PARP4: variants seen among roughly 807,000 people sequenced by gnomAD.
PARP4 encodes the protein poly(ADP-ribose) polymerase family member 4.
PARP4 carries 120 observed loss-of-function variants against 187.7 expected under a neutral mutation model. The ratio of observed to expected loss-of-function variants is 0.64; its 90% CI spans 0.55 to 0.74. PARP4 has a LOEUF of 0.74. Ranked by LOEUF, PARP4 falls within the 30% of genes least tolerant of loss-of-function variation. The pLI is 0.00. For missense variants in PARP4, 1,836 were observed against 2,070.5 expected, an observed-to-expected ratio of 0.89 and a Z score of 2.20; for synonymous variants, 654 against 740.9, an observed-to-expected ratio of 0.88 and a Z score of 1.90.
At chr13:24,480,171 C>G (rs1198130742) in intron 12 of PARP4, among the ~76,000 whole-genome samples, 1 of 152,218 alleles carries the variant, frequency 6.6e-6, no homozygotes, top group African/African-American at 2.4e-5. Flanking sequence ...CAAGAACCCA[C>G]CAATTCTGGA....
Position 24,455,015 on chromosome 13 carries a change from A to C in PARP4, c.2758+2T>G. The C allele has an allele frequency of 1.3e-6, 2 of 1,586,130 alleles. No homozygotes were observed. Among genetic ancestry groups the C allele is most frequent in the Middle Eastern group, 1.7e-4 (1 of 5,938 alleles). ...GCAGGACCAGGGCCAAAGCGCACTC[A>C]CCTGTGCCGAACTGGATAATATTTA... is the stretch of plus-strand genomic sequence containing the variant. On this transcript the variant is annotated splice_donor_variant, in intron 22 of 33. Transcript: ENST00000381989. LOFTEE classifies it high-confidence loss of function.
intron 12 of PARP4, among the ~76,000 whole-genome samples, chr13:24,483,511 T>C (rs1009538460): frequency 7.8e-6 from 1 of 128,374 alleles, no homozygotes; most frequent in South Asian, 2.6e-4. Flanking sequence ...AAAAAAAAAG[T>C]TTTTTTTAGA....
intron 29 of PARP4, among the ~76,000 whole-genome samples, 167 bp downstream of exon 29, chr13:24,442,423 C>T (rs1354632245): frequency 6.6e-6 from 1 of 152,302 alleles, no homozygotes; most frequent in Non-Finnish European, 1.5e-5. Flanking sequence ...ACCGAAGCCC[C>T]CCATGAATGG....
intron 1 of PARP4, among the ~76,000 whole-genome samples, chr13:24,504,304 G>GTTTTTT (rs1447515666): frequency 9.3e-6 from 1 of 107,880 alleles, no homozygotes; most frequent in African/African-American, 3.5e-5. Flanking sequence ...CTGCATTTAG[G>GTTTTTT]TTCTTTTTTT....
Position 24,434,744 on chromosome 13 carries a change from G to A in PARP4, c.4397C>T (p.Pro1466Leu), listed in dbSNP as rs1870523604. 6.2e-7 allele frequency: 1 copy of A among 1,613,728 alleles called. No homozygotes were observed. The highest frequency in any genetic ancestry group is 1.7e-5 in the Admixed American group (1 of 59,948). ...GTTGGCAGTCAAAGAGGCTGCGGAAGGTTGAAAATGAAAAGGAGAGGAAGC... is the reference window on the plus strand; with the variant it reads ...GTTGGCAGTCAAAGAGGCTGCGGAAAGTTGAAAATGAAAAGGAGAGGAAGC... ...PSASSPFHFQPSAASLTANLR... is the reference protein window; with the variant it reads ...PSASSPFHFQLSAASLTANLR... Residue 1466 changes from proline to leucine, a missense_variant, in exon 31 of 34, where the codon CCT (proline) becomes CTT (leucine). Pro to Leu is a moderately conservative substitution (Grantham distance 98). This residue lies in a region of PARP4 where 450 missense variants were observed against 439.2 expected (regional missense o/e 1.02). Transcript: ENST00000381989.
At chr13:24,448,837 A>G (rs1460314169) in intron 25 of PARP4, among the ~76,000 whole-genome samples, 1 of 152,252 alleles carries the variant, frequency 6.6e-6, no homozygotes, top group Non-Finnish European at 1.5e-5. Flanking sequence ...GGACATTAAA[A>G]ACATCATGCT....
intron 11 of PARP4, 91 bp downstream of exon 11, chr13:24,486,077 C>A: frequency 6.1e-6 from 7 of 1,145,172 alleles, no homozygotes; most frequent in Non-Finnish European, 8.8e-6. Flanking sequence ...AAAAGACTCA[C>A]GTAATATAGA....
chr13:24,456,463 C>T lies in PARP4; in HGVS notation c.2440G>A (p.Ala814Thr). Residue 814 changes from alanine (A) to threonine (T), a missense_variant, in exon 21 of 34, where the codon GCT becomes ACT. Physicochemically the swap from Ala to Thr is moderately conservative, Grantham distance 58. This residue lies in a region of PARP4 where 1,147 missense variants were observed against 1,214.2 expected (regional missense o/e 0.94). Transcript: ENST00000381989. ...ELKQKRTDCKAVISTMEGSSL... is the reference protein window; with the variant it reads ...ELKQKRTDCKTVISTMEGSSL... Reference sequence around the variant, plus strand: ...CTGCCTTCCATGGTGCTAATGACAGCTTTGCAGTCTGTGCGCTGCAAAACA... The same window carrying T: ...CTGCCTTCCATGGTGCTAATGACAGTTTTGCAGTCTGTGCGCTGCAAAACA... 1 of 1,601,276 alleles carries T rather than the reference C, an allele frequency of 6.2e-7. No individual in the cohort carries two copies. The highest frequency in any genetic ancestry group is 1.7e-5 in the Admixed American group (1 of 59,824).
chr13:24,457,256 G>C (rs575388099), intron 20 of PARP4, among the ~76,000 whole-genome samples: 2 of 152,292 alleles, frequency 1.3e-5, no homozygotes, highest in East Asian at 3.9e-4. Context: ...GCATGTGCTA[G>C]AGTGTCACAT....
intron 31 of PARP4, among the ~76,000 whole-genome samples, chr13:24,433,267 C>T (rs932970032): frequency 2.0e-5 from 3 of 152,160 alleles, no homozygotes; most frequent in Non-Finnish European, 4.4e-5. Flanking sequence ...ACATTCTCAC[C>T]ATCTGTTTCT....
chr13:24,465,014 A>G (rs1872388858), intron 17 of PARP4, among the ~76,000 whole-genome samples: 1 of 152,198 alleles, frequency 6.6e-6, no homozygotes, highest in African/African-American at 2.4e-5. Context: ...GAAGACATTT[A>G]TGTGGCAAAA....
intron 1 of PARP4, among the ~76,000 whole-genome samples, chr13:24,511,436 C>T (rs971378136): frequency 2.0e-5 from 3 of 152,180 alleles, no homozygotes; most frequent in Non-Finnish European, 4.4e-5. Flanking sequence ...TCCAGCCTGT[C>T]CCCCTTCCCA....
intron 21 of PARP4, 129 bp downstream of exon 21, chr13:24,456,212 T>C (rs533704175): frequency 1.5e-6 from 1 of 680,134 alleles, no homozygotes; most frequent in East Asian, 2.7e-5. Context: ...AGTTGCAGAA[T>C]CTTGAGATGT....
chr13:24,506,077 T>A (rs541730424), intron 1 of PARP4, among the ~76,000 whole-genome samples: 2 of 152,312 alleles, frequency 1.3e-5, no homozygotes, highest in East Asian at 3.9e-4. Flanking sequence ...CTCACTGACT[T>A]CAAAAACGAA....
At chr13:24,458,055 G>A (rs1328135471) in intron 20 of PARP4, among the ~76,000 whole-genome samples, 3 of 151,506 alleles carry the variant, frequency 2.0e-5, no homozygotes, top group Non-Finnish European at 1.5e-5. Flanking sequence ...AGGATCCCTT[G>A]AACCCAAGAG....
chr13:24,435,107 C>G lies in PARP4; in HGVS notation c.4034G>C (p.Arg1345Pro), dbSNP rs201512318. The change falls in exon 31 of 34, where the codon CGT becomes CCT. Residue 1345 changes from arginine to proline, a missense_variant. Physicochemically the swap from Arg to Pro is moderately radical, Grantham distance 103 (BLOSUM62 -2). Coordinates refer to ENST00000381989, the MANE Select transcript of PARP4 (RefSeq NM_006437.4). ...AGCTGAACCGAAACTAGCTACCTGA[C>G]GATATGAGGCAAAAGACAAGGAAGC... The part of the protein sequence containing the change: ...SPASLSFASY[R>P]QVASFGSAAP... 6.2e-7 allele frequency: 1 copy of G among 1,614,058 alleles called. No individual in the cohort carries two copies. Among genetic ancestry groups the G allele is most frequent in the Non-Finnish European group, 8.5e-7 (1 of 1,180,026 alleles).
At chr13:24,453,195 C>G (rs971809653) in intron 23 of PARP4, among the ~76,000 whole-genome samples, 4 of 152,044 alleles carry the variant, frequency 2.6e-5, no homozygotes, top group African/African-American at 7.2e-5. Context: ...CCTGGCCTCC[C>G]AAAGTGCTGA....
In PARP4 at chr13:24,426,357, A is replaced by G. The variant is rs897812949; in HGVS notation, c.4979+109T>C. On this transcript the variant is annotated intron_variant, in intron 33 of 33. Transcript: ENST00000381989. ...ACCTGCAAACAAATTCTCTTGCTAC[A>G]TACTTATAGTGTACACATGTAAGAT... 40 of 778,972 alleles carry G rather than the reference A, an allele frequency of 5.1e-5. 1 individual carries two copies. The Middle Eastern group carries it at 1.2e-3, about 23-fold the overall frequency. The allele number at this position is 778,972 out of a possible 1,614,324, so 48.3% of individuals were successfully genotyped here.
intron 12 of PARP4, among the ~76,000 whole-genome samples, chr13:24,479,275 T>C (rs1388673657): frequency 6.6e-6 from 1 of 151,982 alleles, no homozygotes; most frequent in African/African-American, 2.4e-5. Context: ...AAAAATCAGT[T>C]CCCCCATTCC....
Sources: gnomAD v4.1 joint callset for allele counts (sites outside exome capture counted in the v4.1 genomes callset) on GRCh38, gnomAD v4.1.1 for gene constraint, gnomAD v4.1.1 regional missense constraint, MANE v1.5 for transcripts, NCBI Gene and HGNC (gene_info 2026-07-23, HGNC 2026-07-21) for gene names.